TNS1: variants seen among roughly 807,000 people sequenced by gnomAD.
TNS1 encodes tensin-1.
Under a neutral mutation model 168.6 loss-of-function variants are expected in TNS1, and 62 were observed. The observed-to-expected ratio is 0.37, with a 90% confidence interval of 0.30 to 0.45. The LOEUF (loss-of-function observed/expected upper bound fraction) is 0.45. Among genes scored for constraint, TNS1 ranks in the 20% least tolerant of loss-of-function variants. TNS1 has a pLI of 1.00. For missense variants in TNS1, 2,240 were observed against 2,339.4 expected (o/e 0.96, Z 0.88); for synonymous variants, 934 against 933.2 (o/e 1.00, Z -0.02).
chr2:217,812,696 C>T (rs1340404041), intron 27 of TNS1, among the ~76,000 whole-genome samples: 1 of 152,202 alleles, frequency 6.6e-6, no homozygotes, highest in Non-Finnish European at 1.5e-5. Flanking sequence ...CCTAACATCG[C>T]TCCTAATGCA....
intron 3 of TNS1, 37 bp from the exon 4 acceptor site, chr2:217,920,273 C>A: frequency 1.4e-6 from 1 of 703,000 alleles, no homozygotes; most frequent in Non-Finnish European, 2.6e-6. Context: ...GTGAGCATAT[C>A]TTGTCTCTAG....
intron 31 of TNS1, 75 bp downstream of exon 31, chr2:217,808,528 T>A: frequency 7.8e-7 from 1 of 1,289,978 alleles, no homozygotes; most frequent in Non-Finnish European, 1.1e-6. Context: ...CACACACACA[T>A]GCACATGCAT....
intron 3 of TNS1, among the ~76,000 whole-genome samples, chr2:217,953,472 T>G (rs1440602291): frequency 6.6e-6 from 1 of 151,990 alleles, no homozygotes; most frequent in East Asian, 1.9e-4. Context: ...GAAAGAAAAG[T>G]TTGGTGGTTA....
chr2:218,026,703 G>A (rs1394889213), intron 1 of TNS1, among the ~76,000 whole-genome samples: 1 of 152,224 alleles, frequency 6.6e-6, no homozygotes, highest in African/African-American at 2.4e-5. Flanking sequence ...TCAGGAGGCT[G>A]CGCCACAGGT....
Position 217,809,989 on chromosome 2 carries a change from A to T in TNS1, c.5107T>A (p.Cys1703Ser). Residue 1703 changes from cysteine (C) to serine (S), a missense_variant and splice_region_variant, in exon 30 of 33, where the codon TGC becomes AGC. Physicochemically the swap from Cys to Ser is moderately radical, Grantham distance 112. Transcript: ENST00000682258. The part of the protein sequence containing the change: ...TADLLKQGAA[C>S]NVLFVNSVDM... ...ACAGAGTTGACGAAGAGCACATTGCAGGCTGGAAGAAACCAACCCAAGGGG... is the reference window on the plus strand; with the variant it reads ...ACAGAGTTGACGAAGAGCACATTGCTGGCTGGAAGAAACCAACCCAAGGGG... 1 of 1,610,038 alleles carries T rather than the reference A, an allele frequency of 6.2e-7. No homozygotes were observed. The highest frequency in any genetic ancestry group is 2.2e-5 in the East Asian group (1 of 44,778).
At chr2:217,914,763 C>A (rs12623951) in intron 4 of TNS1, among the ~76,000 whole-genome samples, 2,664 of 152,300 alleles carry the variant, frequency 0.017, 52 homozygotes, top group Admixed American at 0.06. Context: ...GGATTATAGG[C>A]GTGAGCCACC....
rs543678793 is a variant in TNS1 at position 217,877,417 on chromosome 2, G to A, written c.1429+3481C>T. ...TTGTCTCATGACCCTGGACAAGATT[G>A]CTAACCTCTGCCTACTTCTGGGGTC... On this transcript the variant is annotated intron_variant, in intron 18 of 32. Coordinates refer to ENST00000682258, the MANE Select transcript of TNS1 (RefSeq NM_001387777.1). Among the ~76,000 whole-genome samples the A allele has an allele frequency of 3.3e-5, 5 of 152,350 alleles. No homozygotes were observed. The South Asian group carries it at 1.0e-3, about 32-fold the overall frequency.
chr2:218,021,769 G>A (rs1013860223), intron 1 of TNS1, among the ~76,000 whole-genome samples: 5 of 152,230 alleles, frequency 3.3e-5, no homozygotes, highest in African/African-American at 1.2e-4. Flanking sequence ...GAGACCAGGA[G>A]GGACCTGGAA....
At chr2:217,836,707 G>A (rs776181031) in intron 19 of TNS1, among the ~76,000 whole-genome samples, 2 of 152,140 alleles carry the variant, frequency 1.3e-5, no homozygotes, top group Non-Finnish European at 2.9e-5. Context: ...GCCTTGTTAC[G>A]AAGTCCCCAG....
chr2:217,919,632 C>A (rs1955513159), intron 4 of TNS1, among the ~76,000 whole-genome samples: 1 of 152,210 alleles, frequency 6.6e-6, no homozygotes. Context: ...CTCTCTACAG[C>A]CCACAACTCA....
intron 18 of TNS1, among the ~76,000 whole-genome samples, chr2:217,862,319 T>C (rs1295655750): frequency 6.6e-6 from 1 of 151,898 alleles, no homozygotes; most frequent in East Asian, 1.9e-4. Flanking sequence ...CTACAGGAAA[T>C]AGCAGGAGAA....
upstream of TNS1, among the ~76,000 whole-genome samples, chr2:218,006,935 A>G (rs1267123285): frequency 6.6e-6 from 1 of 152,178 alleles, no homozygotes; most frequent in Non-Finnish European, 1.5e-5. Flanking sequence ...ACACTGCGTC[A>G]AGAAAGGTGG....
intron 1 of TNS1, among the ~76,000 whole-genome samples, chr2:218,002,475 G>GC (rs1958583119): frequency 1.3e-5 from 2 of 152,110 alleles, no homozygotes; most frequent in African/African-American, 4.8e-5. Context: ...ACTGAGGGGG[G>GC]GCGGTGAAGA....
chr2:217,885,141 G>T lies in TNS1; in HGVS notation c.1140C>A (p.Phe380Leu), dbSNP rs746404544. Residue 380 changes from phenylalanine to leucine, a missense_variant, in exon 16 of 33, where the codon TTC becomes TTA. By Grantham distance (22) the Phe-to-Leu change is conservative (BLOSUM62 0). Around this residue, in one of 2 missense-constraint regions of TNS1, gnomAD observed 2,131 missense variants for 2,171.2 expected, o/e 0.98. Coordinates refer to ENST00000682258, the MANE Select transcript of TNS1 (RefSeq NM_001387777.1). ...AGATGACGTCTCGGGCTGGGCTTCG[G>T]AACTTCTTGTGGTAGCACTTCAGCT... ...DILLKCYHKK[F>L]RSPARDVIFR... is the part of the protein sequence containing the mutation. 1.2e-6 allele frequency: 2 copies of T among 1,614,116 alleles called. No homozygotes were observed. The highest frequency in any genetic ancestry group is 2.2e-5 in the East Asian group (1 of 44,896).
At position 217,959,672 on chromosome 2, in the gene TNS1, CTAT is replaced by C. The variant is rs201916561; in HGVS notation, c.186+19090_186+19092del. 9.5e-3 allele frequency among the ~76,000 whole-genome samples: 1,442 copies of C among 152,100 alleles called. 6 individuals are homozygous for C. The highest frequency in any genetic ancestry group is 0.017 in the Non-Finnish European group (1,138 of 67,996). ...CTAATTGCTTAATAAATGATAACCA[CTAT>C]TATTATTATTATTATGGACTATCCC... On this transcript the variant is annotated intron_variant, in intron 3 of 32. Transcript: ENST00000682258.
At chr2:217,969,538 A>G (rs1957727499) in intron 3 of TNS1, among the ~76,000 whole-genome samples, 1 of 152,224 alleles carries the variant, frequency 6.6e-6, no homozygotes, top group South Asian at 2.1e-4. Flanking sequence ...TCTATATTTG[A>G]TAAGGAATTT....
At chr2:218,008,118 C>T (rs960024418) in intron 1 of TNS1, among the ~76,000 whole-genome samples, 15 of 152,178 alleles carry the variant, frequency 9.9e-5, no homozygotes, top group African/African-American at 3.4e-4. Flanking sequence ...CTCACTCACA[C>T]CCCTTCCCCT....
At chr2:217,910,707 TACACATAC>T (rs1187972394) in intron 4 of TNS1, among the ~76,000 whole-genome samples, 1 of 60,154 alleles carries the variant, frequency 1.7e-5, no homozygotes, top group Middle Eastern at 0.013. Context: ...AGCTACCACA[TACACATAC>T]ACACACACAC....
At chr2:217,870,207 C>T (rs1044992371) in intron 18 of TNS1, among the ~76,000 whole-genome samples, 2 of 152,236 alleles carry the variant, frequency 1.3e-5, no homozygotes, top group African/African-American at 4.8e-5. Context: ...GGCACTTGCC[C>T]GAGCCCCTTA....
Sources: allele counts gnomAD v4.1 joint callset (sites outside exome capture counted in the v4.1 genomes callset), GRCh38; gene constraint gnomAD v4.1.1; regional missense constraint gnomAD v4.1.1; transcripts MANE v1.5; gene names NCBI Gene and HGNC (gene_info 2026-07-23, HGNC 2026-07-21).